Variants in PCDH15 observed in about 807,000 individuals in gnomAD.
PCDH15 encodes protocadherin related 15, also known as protocadherin-15.
Under a neutral mutation model 178.5 loss-of-function variants are expected in PCDH15, and 129 were observed. That is an observed-to-expected ratio of 0.72 (90% CI 0.63 to 0.84). PCDH15 has a LOEUF of 0.84. Ranked by LOEUF, PCDH15 falls within the 40% of genes least tolerant of loss-of-function variation. The pLI, the probability that PCDH15 is intolerant of heterozygous loss-of-function variation, is 0.00. For synonymous variants in PCDH15, 800 were observed against 732.0 expected, an observed-to-expected ratio of 1.09 and a Z score of -1.50; for missense variants, 2,230 against 2,099.9, an observed-to-expected ratio of 1.06 and a Z score of -1.21.
At chr10:55,615,624 C>A (rs1488580043) in intron 2 of PCDH15, among the ~76,000 whole-genome samples, 1 of 152,116 alleles carries the variant, frequency 6.6e-6, no homozygotes, top group African/African-American at 2.4e-5. Context: ...TACCAGCCCT[C>A]TGATAGGCTG....
chr10:54,332,989 G>A (rs1441166327), intron 6 of PCDH15, among the ~76,000 whole-genome samples: 1 of 151,984 alleles, frequency 6.6e-6, no homozygotes, highest in Non-Finnish European at 1.5e-5. Context: ...TGTCATCCAG[G>A]CTTGAGTGCA....
Position 54,964,072 on chromosome 10 carries a change from T to C in PCDH15, c.-79-66572A>G, listed in dbSNP as rs1023721144. The stretch of plus-strand genomic sequence containing the variant: ...TGGTCAGTTAGGCCATCAAGACTAG[T>C]GAGGCGTCTTGTGTCTCATTGTTCA... On this transcript the variant is annotated intron_variant, in intron 2 of 5. Coordinates refer to the PCDH15 transcript ENST00000458638. Among the ~76,000 whole-genome samples the C allele has an allele frequency of 5.9e-5, 9 of 152,314 alleles. No homozygotes were observed. In the East Asian group the frequency reaches 1.7e-3, roughly 29 times the overall value.
intron 17 of PCDH15, among the ~76,000 whole-genome samples, chr10:54,076,807 C>G (rs7922884): frequency 0.85 from 128,477 of 152,004 alleles, 54,759 homozygotes; most frequent in African/African-American, 0.94. Flanking sequence ...TGGTAGAAAA[C>G]GTGTATTCTC....
chr10:54,955,773 A>G (rs1054564481), intron 2 of PCDH15, among the ~76,000 whole-genome samples: 1 of 151,302 alleles, frequency 6.6e-6, no homozygotes, highest in African/African-American at 2.4e-5. Flanking sequence ...AGAGTTACCC[A>G]TATTTGACAC....
rs145775449 is a variant in PCDH15, at chr10:54,901,340, TC to T, written c.-79-3841del. On this transcript the variant is annotated intron_variant, in intron 2 of 5. Coordinates refer to the PCDH15 transcript ENST00000458638. ...AGCTAGTGCATTAAGGTTACAGTTT[TC>T]TGGAACTGCTTAATTGGTACAATTT... is the stretch of plus-strand genomic sequence containing the variant. 8.9e-4 allele frequency among the ~76,000 whole-genome samples: 136 copies of T among 152,294 alleles called. 1 individual carries two copies. In the East Asian group the frequency reaches 0.022, roughly 25 times the overall value.
Position 54,153,178 on chromosome 10 carries a change from G to T in PCDH15, c.1706C>A (p.Pro569Gln), listed in dbSNP as rs748229633. Residue 569 changes from proline to glutamine, a missense_variant, in exon 14 of 38, where the codon CCA (proline) becomes CAA (glutamine). Coordinates refer to ENST00000644397, the MANE Select transcript of PCDH15 (RefSeq NM_001384140.1). The stretch of plus-strand genomic sequence containing the variant: ...CCGCCCGACTATCATTTCCACCCCT[G>T]GAGCGATGGTGATAAGCCCTGTTGT... ...NKTTGLITIAPGVEMIVGRTY... is the reference protein window; with the variant it reads ...NKTTGLITIAQGVEMIVGRTY... 8.7e-6 allele frequency: 14 copies of T among 1,613,874 alleles called. No individual in the cohort carries two copies. Among genetic ancestry groups the T allele is most frequent in the Non-Finnish European group, 1.2e-5 (14 of 1,179,872 alleles).
At chr10:55,454,884 G>A in intron 2 of PCDH15, among the ~76,000 whole-genome samples, 1 of 151,176 alleles carries the variant, frequency 6.6e-6, no homozygotes, top group East Asian at 1.9e-4. Flanking sequence ...TTAAAGTTTT[G>A]CTTTTCCTGA....
At chr10:54,512,359 T>TTGTGTGTGTGTGTGTGTG (rs200575121) in intron 3 of PCDH15, among the ~76,000 whole-genome samples, 26 of 134,174 alleles carry the variant, frequency 1.9e-4, no homozygotes, top group South Asian at 5.2e-4. Flanking sequence ...ATTTCTGGCA[T>TTGTGTGTGTGTGTGTGTG]TGTGTGTGTG....
intron 2 of PCDH15, among the ~76,000 whole-genome samples, chr10:54,592,832 T>C (rs1165811610): frequency 6.6e-6 from 1 of 152,186 alleles, no homozygotes; most frequent in Non-Finnish European, 1.5e-5. Flanking sequence ...TTTCTCCACT[T>C]CCTTCACAAA....
intron 2 of PCDH15, among the ~76,000 whole-genome samples, chr10:55,556,715 C>T (rs983954651): frequency 6.6e-6 from 1 of 152,064 alleles, no homozygotes; most frequent in African/African-American, 2.4e-5. Context: ...GGCGCGTGTG[C>T]GTGCAATCCC....
intron 27 of PCDH15, among the ~76,000 whole-genome samples, chr10:53,864,448 A>C (rs771599243): frequency 6.6e-6 from 1 of 152,188 alleles, no homozygotes; most frequent in Non-Finnish European, 1.5e-5. Context: ...ATGGAAAGGG[A>C]AAGTGCCTTG....
At chr10:55,049,042 C>T (rs1170651193) in intron 2 of PCDH15, among the ~76,000 whole-genome samples, 1 of 151,946 alleles carries the variant, frequency 6.6e-6, no homozygotes, top group Non-Finnish European at 1.5e-5. Context: ...CATTGCTGCA[C>T]TCATCCACTC....
intron 2 of PCDH15, among the ~76,000 whole-genome samples, chr10:54,985,716 A>C (rs750621185): frequency 1.3e-5 from 2 of 152,212 alleles, no homozygotes; most frequent in Non-Finnish European, 2.9e-5. Flanking sequence ...TTCAAAATTC[A>C]AAGTAAAGTC....
intron 3 of PCDH15, among the ~76,000 whole-genome samples, chr10:54,887,444 C>A (rs1254054477): frequency 3.3e-5 from 5 of 152,104 alleles, no homozygotes; most frequent in African/African-American, 1.2e-4. Flanking sequence ...ATCCCGTTCT[C>A]ACCCTAAATT....
At chr10:54,034,976 T>A (rs1380052379) in intron 18 of PCDH15, among the ~76,000 whole-genome samples, 1 of 151,870 alleles carries the variant, frequency 6.6e-6, no homozygotes, top group East Asian at 1.9e-4. Context: ...ATAAGCCAGA[T>A]TGGAGATTAA....
intron 3 of PCDH15, among the ~76,000 whole-genome samples, chr10:54,439,336 A>G (rs964680855): frequency 1.3e-5 from 2 of 151,996 alleles, no homozygotes; most frequent in African/African-American, 4.8e-5. Flanking sequence ...GGGGAGGGGC[A>G]TCATATTGGG....
chr10:54,993,140 C>T (rs189723446), intron 2 of PCDH15, among the ~76,000 whole-genome samples: 11 of 152,120 alleles, frequency 7.2e-5, no homozygotes, highest in South Asian at 4.2e-4. Context: ...GTTTGAGATA[C>T]GACTGAAAGG....
intron 15 of PCDH15, among the ~76,000 whole-genome samples, chr10:54,094,909 C>T (rs1465723665): frequency 6.6e-6 from 1 of 151,982 alleles, no homozygotes; most frequent in Non-Finnish European, 1.5e-5. Context: ...AGTATTTATC[C>T]AAGGAAGCAG....
At chr10:55,384,348 G>A (rs1837604783) in intron 2 of PCDH15, among the ~76,000 whole-genome samples, 1 of 152,020 alleles carries the variant, frequency 6.6e-6, no homozygotes, top group African/African-American at 2.4e-5. Flanking sequence ...TTTCACTTTT[G>A]TTGAATTTAA....
Sources: gnomAD v4.1 joint callset for allele counts (sites outside exome capture counted in the v4.1 genomes callset) on GRCh38, gnomAD v4.1.1 for gene constraint, MANE v1.5 for transcripts, NCBI Gene and HGNC (gene_info 2026-07-23, HGNC 2026-07-21) for gene names.